The following PAXIP1 variants were observed in gnomAD, a reference collection of about 807,000 sequenced individuals.
The protein encoded by PAXIP1 is PAX-interacting protein 1.
PAXIP1 carries 19 observed loss-of-function variants against 140.6 expected under a neutral mutation model. The ratio of observed to expected loss-of-function variants is 0.14; its 90% CI spans 0.09 to 0.20. The LOEUF is 0.20. Ranked by LOEUF, PAXIP1 falls within the 10% of genes least tolerant of loss-of-function variation. The pLI is 1.00. For missense variants in PAXIP1, 920 were observed against 1,208.6 expected (o/e 0.76, Z 3.54); for synonymous variants, 442 against 444.6 (o/e 0.99, Z 0.07).
At chr7:154,999,793 A>G (rs1281056118) in intron 1 of PAXIP1, among the ~76,000 whole-genome samples, 1 of 152,140 alleles carries the variant, frequency 6.6e-6, no homozygotes, top group Non-Finnish European at 1.5e-5. Flanking sequence ...TCTCCCTGAC[A>G]GAAAGTCATC....
intron 16 of PAXIP1, 193 bp from the exon 17 acceptor site, chr7:154,948,196 GA>G: frequency 3.5e-6 from 2 of 568,628 alleles, no homozygotes; most frequent in Non-Finnish European, 6.3e-6. Context: ...CAAAAAGACA[GA>G]CAGGTATTTT....
intron 1 of PAXIP1, chr7:155,002,247 T>A (rs1263910837): frequency 1.3e-5 from 2 of 152,232 alleles, no homozygotes; most frequent in East Asian, 3.9e-4. Flanking sequence ...ATCGTCCAAG[T>A]GGGAAAATCA....
At chr7:155,001,723 C>T (rs1023328978) in intron 1 of PAXIP1, 1 of 152,290 alleles carries the variant, frequency 6.6e-6, no homozygotes, top group Admixed American at 6.5e-5. Flanking sequence ...GTCTCGAACT[C>T]ATGACCTCAG....
rs1036431200 is a variant in PAXIP1 at position 154,947,203 on chromosome 7, T to C, written c.2923-390A>G. The C allele has an allele frequency of 3.6e-5, 6 of 167,116 alleles. No homozygotes were observed. In the South Asian group the frequency reaches 4.6e-4, roughly 13 times the overall value. The allele number at this position is 167,116 out of a possible 1,614,324, so 10.4% of individuals were successfully genotyped here. A position where few individuals can be genotyped will look rare whatever the true frequency, so the allele number is the denominator to read the frequency against. ...CTGGCATAGCATGCTGCCTGGCTTA[T>C]ATCCCTTTTCTTTATTTTCTCCATA... On this transcript the variant is annotated intron_variant, in intron 17 of 20. Coordinates refer to ENST00000404141, the MANE Select transcript of PAXIP1 (RefSeq NM_007349.4).
At chr7:154,977,467 A>G (rs1243632825) in intron 5 of PAXIP1, among the ~76,000 whole-genome samples, 3 of 152,236 alleles carry the variant, frequency 2.0e-5, no homozygotes, top group Non-Finnish European at 4.4e-5. Flanking sequence ...CAGAGAGGAC[A>G]GCTGTTGGTC....
chr7:154,967,881 C>T lies in PAXIP1; in HGVS notation c.1828G>A (p.Val610Met). ...TCTGGATAATCCGCAATTGCAAACA[C>T]ACATCCCAATAAGAAGCCTTCTTCT... is the stretch of plus-strand genomic sequence containing the variant. ...IPEEGFLLGC[V>M]FAIADYPEQM... Residue 610 changes from valine (V) to methionine (M), a missense_variant, in exon 8 of 21, where the codon GTG becomes ATG. By Grantham distance (21) the Val-to-Met change is conservative (BLOSUM62 1). Coordinates refer to ENST00000404141, the MANE Select transcript of PAXIP1 (RefSeq NM_007349.4). 6.2e-7 allele frequency: 1 copy of T among 1,613,370 alleles called. No individual in the cohort carries two copies.
intron 2 of PAXIP1, among the ~76,000 whole-genome samples, chr7:154,995,581 G>A (rs1563391492): frequency 6.6e-6 from 1 of 152,214 alleles, no homozygotes; most frequent in Non-Finnish European, 1.5e-5. Context: ...TGATCGCGAT[G>A]GCTCATGCCT....
chr7:155,002,276 C>A (rs1219790223), intron 1 of PAXIP1, among the ~76,000 whole-genome samples: 1 of 152,246 alleles, frequency 6.6e-6, no homozygotes, highest in Non-Finnish European at 1.5e-5. Flanking sequence ...GAATGCCAGC[C>A]CCCACGTGCA....
At chr7:154,968,370 T>TA (rs1563371909) in intron 7 of PAXIP1, 33 bp downstream of exon 7, 1 of 1,501,178 alleles carries the variant, frequency 6.7e-7, no homozygotes, top group East Asian at 2.5e-5. Flanking sequence ...ACAAGACTTT[T>TA]AGGAGAGAGG....
chr7:154,949,669 G>T (rs1242390841), intron 16 of PAXIP1: 1 of 152,206 alleles, frequency 6.6e-6, no homozygotes, highest in Admixed American at 6.5e-5. Context: ...GGAGGCCGAG[G>T]TGGGCGGATC....
At chr7:155,002,796 AC>A (rs1810987553) in intron 1 of PAXIP1, 52 bp downstream of exon 1, 2 of 1,025,124 alleles carry the variant, frequency 2.0e-6, no homozygotes, top group South Asian at 2.0e-5. Flanking sequence ...GGGGACGGGG[AC>A]GGACGGGGAC....
chr7:154,968,251 TAAC>T (rs1809112924), intron 7 of PAXIP1, among the ~76,000 whole-genome samples, 149 bp downstream of exon 7: 1 of 152,216 alleles, frequency 6.6e-6, no homozygotes, highest in Non-Finnish European at 1.5e-5. Context: ...TATCCCATGG[TAAC>T]TATATTCTTT....
rs1191308595 is a variant in PAXIP1 at position 154,956,055 on chromosome 7, G to A, written c.2550-424C>T. Among the ~76,000 whole-genome samples, 2 of 152,078 alleles carry A rather than the reference G, an allele frequency of 1.3e-5. No homozygotes were observed. Among genetic ancestry groups the A allele is most frequent in the African/African-American group, 2.4e-5 (1 of 41,396 alleles). The stretch of plus-strand genomic sequence containing the variant: ...GACTCAGGCCATTCCTTGTTTGCAC[G>A]TTCACCATCAATACAAGTCAGCCAA... On this transcript the variant is annotated intron_variant, in intron 14 of 20. Coordinates refer to ENST00000404141, the MANE Select transcript of PAXIP1 (RefSeq NM_007349.4). This position sits in a 1 kb window ranked among gnomAD's most constrained non-coding sequence, Gnocchi z 4.2.
intron 5 of PAXIP1, 74 bp downstream of exon 5, chr7:154,983,145 G>A (rs1401597224): frequency 3.0e-5 from 21 of 692,644 alleles, no homozygotes; most frequent in Non-Finnish European, 4.6e-5. Context: ...TTTAAAAGAA[G>A]CTCAAAAAAG....
In PAXIP1 at chr7:154,986,522, AC is replaced by A. The variant is rs1810083198; in HGVS notation, c.325-3191del. On this transcript the variant is annotated intron_variant, in intron 4 of 20. Coordinates refer to ENST00000404141, the MANE Select transcript of PAXIP1 (RefSeq NM_007349.4). This position sits in a 1 kb window ranked among gnomAD's most constrained non-coding sequence, Gnocchi z 4.8. ...GCATTGCTCCTGTCACAAAGGAAGT[AC>A]CCATCAAGGATTTGTTGGACCAAAG... Among the ~76,000 whole-genome samples the A allele has an allele frequency of 6.6e-6, 1 of 152,216 alleles. No individual in the cohort carries two copies. Among genetic ancestry groups the A allele is most frequent in the African/African-American group, 2.4e-5 (1 of 41,450 alleles).
intron 20 of PAXIP1, chr7:154,945,209 C>T (rs1807900069): frequency 6.6e-6 from 1 of 152,070 alleles, no homozygotes; most frequent in Non-Finnish European, 1.5e-5. Flanking sequence ...GTCTCGAACT[C>T]CTGATCTCAG....
At chr7:154,980,680 T>C (rs1381882290) in intron 5 of PAXIP1, among the ~76,000 whole-genome samples, 1 of 152,212 alleles carries the variant, frequency 6.6e-6, no homozygotes, top group African/African-American at 2.4e-5. Context: ...CCCAAAGTGC[T>C]GGGATTTACA....
intron 4 of PAXIP1, among the ~76,000 whole-genome samples, chr7:154,984,356 G>C (rs1252445067): frequency 6.6e-6 from 1 of 152,148 alleles, no homozygotes; most frequent in Admixed American, 6.5e-5. Flanking sequence ...AATTTTTTCT[G>C]GATAAATTTA....
chr7:154,987,535 G>A (rs1258032532), intron 4 of PAXIP1, among the ~76,000 whole-genome samples: 3 of 151,962 alleles, frequency 2.0e-5, no homozygotes, highest in Non-Finnish European at 4.4e-5. Flanking sequence ...TCTCTATCAT[G>A]CTCTGCAGGA....
Sources: allele counts gnomAD v4.1 joint callset (sites outside exome capture counted in the v4.1 genomes callset), GRCh38; gene constraint gnomAD v4.1.1; non-coding constraint Gnocchi (gnomAD v3.1); transcripts MANE v1.5; gene names NCBI Gene and HGNC (gene_info 2026-07-23, HGNC 2026-07-21).